HECW2: variants seen among roughly 807,000 people sequenced by gnomAD.
The protein encoded by HECW2 is E3 ubiquitin-protein ligase HECW2.
A neutral mutation model predicts 175.2 loss-of-function variants in HECW2; 61 were observed. That is an observed-to-expected ratio of 0.35 (90% CI 0.28 to 0.43). The LOEUF (loss-of-function observed/expected upper bound fraction) is 0.43. HECW2 is among the 20% of genes least tolerant of loss of function. The pLI, the probability that HECW2 is intolerant of heterozygous loss-of-function variation, is 1.00. For missense variants in HECW2, 1,524 were observed against 2,000.5 expected, an observed-to-expected ratio of 0.76 and a Z score of 4.54; for synonymous variants, 671 against 731.0, an observed-to-expected ratio of 0.92 and a Z score of 1.32.
At chr2:196,223,088 G>A (rs1687726825) in intron 23 of HECW2, among the ~76,000 whole-genome samples, 1 of 152,034 alleles carries the variant, frequency 6.6e-6, no homozygotes, top group African/African-American at 2.4e-5. Flanking sequence ...AGTTCAATCT[G>A]AACATTCATT....
chr2:196,574,612 G>T (rs1369275325), intron 1 of HECW2, among the ~76,000 whole-genome samples: 2 of 152,060 alleles, frequency 1.3e-5, no homozygotes, highest in African/African-American at 4.8e-5. Context: ...TACACAAAAT[G>T]ATCTACAGAT....
chr2:196,573,248 C>CAA (rs113834036), intron 1 of HECW2, among the ~76,000 whole-genome samples: 2 of 77,058 alleles, frequency 2.6e-5, no homozygotes, highest in Admixed American at 1.5e-4. Flanking sequence ...GAATGCTGAC[C>CAA]AAAAAAAAAA....
chr2:196,239,772 A>G (rs1433228257), intron 21 of HECW2: 3 of 152,260 alleles, frequency 2.0e-5, no homozygotes, highest in African/African-American at 7.2e-5. Flanking sequence ...GTGATGTGTA[A>G]TAACAGTTAT....
chr2:196,228,094 ATACT>A lies in HECW2; in HGVS notation c.3917+4_3917+7del. On this transcript the variant is annotated splice_donor_5th_base_variant and intron_variant, in intron 22 of 28. Coordinates refer to ENST00000644978, the MANE Select transcript of HECW2 (RefSeq NM_001348768.2). Reference sequence around the variant, plus strand: ...CCTGAAGAAAAGTGTTGGGGAAAAAATACTTACCATTCATGGTGATTGTCTACAA... The same window carrying A: ...CCTGAAGAAAAGTGTTGGGGAAAAAATACCATTCATGGTGATTGTCTACAA... The A allele has an allele frequency of 6.5e-7, 1 of 1,534,980 alleles. No homozygotes were observed. Among genetic ancestry groups the A allele is most frequent in the Non-Finnish European group, 8.8e-7 (1 of 1,141,494 alleles).
rs1389142903 is a variant in HECW2 at position 196,446,148 on chromosome 2, G to A, written c.-35-12690C>T. ...TGCTACTACCTTCCATGTTCACACC[G>A]CTCCAGTCCCACTGCTGCTCCTAGA... On this transcript the variant is annotated intron_variant, in intron 1 of 28. Coordinates refer to ENST00000644978, the MANE Select transcript of HECW2 (RefSeq NM_001348768.2). 1.4e-4 allele frequency among the ~76,000 whole-genome samples: 22 copies of A among 151,990 alleles called. 1 individual carries two copies. Among genetic ancestry groups the A allele is most frequent in the Admixed American group, 1.2e-3 (19 of 15,254 alleles).
At chr2:196,329,702 G>A (rs747704250) in intron 4 of HECW2, 52 bp from the exon 5 acceptor site, 2 of 1,422,848 alleles carry the variant, frequency 1.4e-6, no homozygotes, top group Admixed American at 3.3e-5. Flanking sequence ...GATGCCACTG[G>A]ATCTGACTAG....
intron 19 of HECW2, among the ~76,000 whole-genome samples, chr2:196,251,417 C>T (rs1368597579): frequency 6.6e-6 from 1 of 152,184 alleles, no homozygotes; most frequent in African/African-American, 2.4e-5. Context: ...CCAGTTGCCA[C>T]CAGTACACTG....
chr2:196,237,611 G>A (rs1288381761), intron 21 of HECW2, among the ~76,000 whole-genome samples: 1 of 151,966 alleles, frequency 6.6e-6, no homozygotes, highest in Non-Finnish European at 1.5e-5. Context: ...CTTTTGGGCT[G>A]GTTCCATATT....
At chr2:196,254,078 G>A in intron 18 of HECW2, 49 bp from the exon 19 acceptor site, 1 of 1,605,976 alleles carries the variant, frequency 6.2e-7, no homozygotes, top group South Asian at 1.1e-5. Context: ...AAGTAGTGGG[G>A]AAAAGCCTAA....
chr2:196,546,898 G>A (rs1239011532), intron 1 of HECW2, among the ~76,000 whole-genome samples: 1 of 152,000 alleles, frequency 6.6e-6, no homozygotes, highest in Non-Finnish European at 1.5e-5. Context: ...AAGCTATGAG[G>A]ACACTAGGGA....
chr2:196,317,043 C>T, intron 10 of HECW2: 2 of 468,384 alleles, frequency 4.3e-6, no homozygotes, highest in East Asian at 3.2e-5. Context: ...TTATTATTTA[C>T]CCCATGGGCA....
intron 1 of HECW2, among the ~76,000 whole-genome samples, chr2:196,541,207 C>G (rs1219262076): frequency 6.6e-6 from 1 of 152,162 alleles, no homozygotes; most frequent in South Asian, 2.1e-4. Flanking sequence ...CAAAAGCCAA[C>G]TGTATTTGTT....
At chr2:196,483,273 T>C (rs2125375160) in intron 1 of HECW2, among the ~76,000 whole-genome samples, 2 of 152,294 alleles carry the variant, frequency 1.3e-5, no homozygotes, top group Non-Finnish European at 2.9e-5. Flanking sequence ...TAATAAATCT[T>C]GTGTGTCTAC....
rs1377986900 is a variant in HECW2 at position 196,230,813 on chromosome 2, C to A, written c.3765-2559G>T. The stretch of plus-strand genomic sequence containing the variant: ...TGCATGTAGCTGCATCTTTTAAAAG[C>A]CTTAATATGGCTGGGTGCCATGGCT... On this transcript the variant is annotated intron_variant, in intron 21 of 28. Coordinates refer to ENST00000644978, the MANE Select transcript of HECW2 (RefSeq NM_001348768.2). 2.0e-5 allele frequency among the ~76,000 whole-genome samples: 3 copies of A among 152,130 alleles called. No individual in the cohort carries two copies. The South Asian group carries it at 6.2e-4, about 32-fold the overall frequency.
intron 1 of HECW2, among the ~76,000 whole-genome samples, chr2:196,557,711 C>T (rs1689854381): frequency 6.6e-6 from 1 of 152,212 alleles, no homozygotes; most frequent in Middle Eastern, 3.4e-3. Flanking sequence ...TGGGAAAATA[C>T]TGCTAATATA....
intron 1 of HECW2, among the ~76,000 whole-genome samples, chr2:196,513,818 GTT>G (rs774943825): frequency 6.6e-6 from 1 of 152,238 alleles, no homozygotes; most frequent in Non-Finnish European, 1.5e-5. Flanking sequence ...TTGGCAAACA[GTT>G]TGCTACTGGT....
At chr2:196,264,841 A>G (rs948219826) in intron 17 of HECW2, among the ~76,000 whole-genome samples, 1 of 152,252 alleles carries the variant, frequency 6.6e-6, no homozygotes, top group African/African-American at 2.4e-5. Flanking sequence ...TTCCTTTTGC[A>G]GAAGTCATAG....
chr2:196,402,715 A>C (rs1029295106), intron 2 of HECW2, among the ~76,000 whole-genome samples: 15 of 152,170 alleles, frequency 9.9e-5, no homozygotes, highest in Non-Finnish European at 2.1e-4. Context: ...TAACAATTTA[A>C]TTTGGGAGGT....
intron 13 of HECW2, among the ~76,000 whole-genome samples, chr2:196,303,936 C>G (rs1265529202): frequency 4.6e-5 from 7 of 152,198 alleles, no homozygotes; most frequent in African/African-American, 1.7e-4. Context: ...GTCACCGTCT[C>G]TACTGCTAAC....
Sources: gnomAD v4.1 joint callset for allele counts (sites outside exome capture counted in the v4.1 genomes callset) on GRCh38, gnomAD v4.1.1 for gene constraint, MANE v1.5 for transcripts, NCBI Gene and HGNC (gene_info 2026-07-23, HGNC 2026-07-21) for gene names.